PPFIA2: variants seen among roughly 807,000 people sequenced by gnomAD.
PPFIA2 encodes PPFI scaffold protein A2, also known as liprin-alpha-2.
A neutral mutation model predicts 175.5 loss-of-function variants in PPFIA2; 46 were observed. The ratio of observed to expected loss-of-function variants is 0.26; its 90% confidence interval spans 0.21 to 0.34. PPFIA2 has a LOEUF of 0.34. Ranked by LOEUF, PPFIA2 falls within the 10% of genes least tolerant of loss-of-function variation. PPFIA2 has a pLI of 1.00. For synonymous variants in PPFIA2, 568 were observed against 511.4 expected (o/e 1.11, Z -1.49); for missense variants, 1,179 against 1,506.1 (o/e 0.78, Z 3.60).
chr12:81,751,120 T>C (rs1422167113), intron 3 of PPFIA2, among the ~76,000 whole-genome samples: 1 of 152,132 alleles, frequency 6.6e-6, no homozygotes, highest in Non-Finnish European at 1.5e-5. Flanking sequence ...GAGTAGGTTA[T>C]TAAACACTTT....
intron 3 of PPFIA2, among the ~76,000 whole-genome samples, chr12:81,719,563 T>C (rs1294352097): frequency 1.3e-5 from 2 of 151,520 alleles, no homozygotes; most frequent in Non-Finnish European, 3.0e-5. Flanking sequence ...GAACTACCAA[T>C]GACATCAAAA....
chr12:81,609,168 A>T (rs2060636276), intron 4 of PPFIA2, among the ~76,000 whole-genome samples: 1 of 151,896 alleles, frequency 6.6e-6, no homozygotes, highest in Admixed American at 6.6e-5. Flanking sequence ...TAATTTTTTT[A>T]ATTTATTGAG....
intron 4 of PPFIA2, among the ~76,000 whole-genome samples, chr12:81,571,230 T>C (rs1367860840): frequency 6.6e-6 from 1 of 152,156 alleles, no homozygotes; most frequent in Non-Finnish European, 1.5e-5. Flanking sequence ...GATTTTGAAT[T>C]TAATTGTGGT....
At chr12:81,406,401 A>C (rs2042940821) in intron 7 of PPFIA2, among the ~76,000 whole-genome samples, 1 of 152,150 alleles carries the variant, frequency 6.6e-6, no homozygotes, top group Non-Finnish European at 1.5e-5. Flanking sequence ...TGAACTTAAA[A>C]AAAAATTTGT....
Position 81,642,784 on chromosome 12 carries a change from TACA to T in PPFIA2, c.303+34004_303+34006del, listed in dbSNP as rs1317602686. ...CATGTATATGTATGTATGTATTATA[TACA>T]TACATGTATATGTATGTATGTATTA... On this transcript the variant is annotated intron_variant, in intron 4 of 32. Transcript: ENST00000549396. Among the ~76,000 whole-genome samples, 23 of 88,684 alleles carry T rather than the reference TACA, an allele frequency of 2.6e-4. 6 individuals are homozygous for T. The highest frequency in any genetic ancestry group is 1.3e-3 in the East Asian group (4 of 3,056). The allele number at this position is 88,684 out of a possible 152,430, so 58.2% of individuals were successfully genotyped here.
chr12:81,480,496 G>C (rs990834757), intron 4 of PPFIA2, among the ~76,000 whole-genome samples: 2 of 152,060 alleles, frequency 1.3e-5, no homozygotes, highest in Non-Finnish European at 2.9e-5. Context: ...AGACATATTG[G>C]TTTTGGGAAT....
chr12:81,758,105 G>A (rs940922428), intron 2 of PPFIA2, among the ~76,000 whole-genome samples: 5 of 152,126 alleles, frequency 3.3e-5, no homozygotes, highest in Admixed American at 1.3e-4. Flanking sequence ...GCCAGAGCCA[G>A]CTCAACCCAC....
At chr12:81,342,963 T>C (rs2058403392) in intron 19 of PPFIA2, among the ~76,000 whole-genome samples, 1 of 150,902 alleles carries the variant, frequency 6.6e-6, no homozygotes, top group African/African-American at 2.4e-5. Context: ...ATAATAATAA[T>C]AATAATAATA....
chr12:81,451,175 A>G (rs931561774), intron 5 of PPFIA2, among the ~76,000 whole-genome samples: 1 of 152,116 alleles, frequency 6.6e-6, no homozygotes, highest in Non-Finnish European at 1.5e-5. Flanking sequence ...GTGAATATAT[A>G]TATATAATGT....
intron 5 of PPFIA2, among the ~76,000 whole-genome samples, chr12:81,451,787 G>A (rs2052633170): frequency 6.6e-6 from 1 of 151,960 alleles, no homozygotes. Context: ...TGAAGAATAT[G>A]GACAAAAATG....
rs554029601 is a variant in PPFIA2 at position 81,495,356 on chromosome 12, T to C, written c.304-37490A>G. Reference sequence around the variant, plus strand: ...CCATTTTACATGAATAAAAAAAACATAAATTCTTCTTTAAAATAGAAAATT... The same window carrying C: ...CCATTTTACATGAATAAAAAAAACACAAATTCTTCTTTAAAATAGAAAATT... On this transcript the variant is annotated intron_variant, in intron 4 of 32. Coordinates refer to ENST00000549396, the MANE Select transcript of PPFIA2 (RefSeq NM_003625.5). Among the ~76,000 whole-genome samples, 3 of 152,264 alleles carry C rather than the reference T, an allele frequency of 2.0e-5. No individual in the cohort carries two copies. The South Asian group carries it at 6.2e-4, about 32-fold the overall frequency.
chr12:81,430,742 G>A (rs544772030), intron 7 of PPFIA2: 1 of 152,070 alleles, frequency 6.6e-6, no homozygotes, highest in East Asian at 1.9e-4. Context: ...CAGAATACTA[G>A]TTGTTAACCT....
chr12:81,351,664 A>G (rs1441230376), intron 17 of PPFIA2, among the ~76,000 whole-genome samples: 1 of 151,338 alleles, frequency 6.6e-6, no homozygotes, highest in African/African-American at 2.4e-5. Flanking sequence ...TTGGGAGGCC[A>G]AGGCAGGAGG....
chr12:81,494,741 A>C (rs564250775), intron 4 of PPFIA2, among the ~76,000 whole-genome samples: 9 of 152,182 alleles, frequency 5.9e-5, no homozygotes, highest in African/African-American at 1.9e-4. Context: ...TGGCACATAT[A>C]CACCATGGAA....
chr12:81,374,855 T>C (rs2035995446), intron 10 of PPFIA2, 87 bp from the exon 11 acceptor site: 1 of 1,290,544 alleles, frequency 7.7e-7, no homozygotes, highest in East Asian at 2.4e-5. Context: ...ACTTCAGCCA[T>C]GATTCTAGAT....
chr12:81,344,114 T>C (rs2058632708), intron 19 of PPFIA2, among the ~76,000 whole-genome samples: 1 of 152,052 alleles, frequency 6.6e-6, no homozygotes, highest in Non-Finnish European at 1.5e-5. Flanking sequence ...TATCCTGCCT[T>C]GTCTTGCCTT....
At chr12:81,464,882 T>C (rs1423206494) in intron 4 of PPFIA2, among the ~76,000 whole-genome samples, 1 of 63,910 alleles carries the variant, frequency 1.6e-5, no homozygotes, top group Admixed American at 1.5e-4. Flanking sequence ...ATAATAGAGC[T>C]GGAAAAAAAA....
chr12:81,363,347 G>A (rs2141259316), intron 14 of PPFIA2, among the ~76,000 whole-genome samples: 1 of 151,414 alleles, frequency 6.6e-6, no homozygotes, highest in South Asian at 2.1e-4. Flanking sequence ...AGGCTGGAGT[G>A]CACCTTAAAA....
chr12:81,267,887 G>T, intron 29 of PPFIA2, 25 bp downstream of exon 29: 1 of 1,566,430 alleles, frequency 6.4e-7, no homozygotes, highest in South Asian at 1.2e-5. Flanking sequence ...AGAACACATT[G>T]AGACTACAGC....
Sources: gnomAD v4.1 joint callset for allele counts (sites outside exome capture counted in the v4.1 genomes callset) on GRCh38, gnomAD v4.1.1 for gene constraint, MANE v1.5 for transcripts, NCBI Gene and HGNC (gene_info 2026-07-23, HGNC 2026-07-21) for gene names.